HHLA1: variants seen among roughly 807,000 people sequenced by gnomAD.
The protein encoded by HHLA1 is HERV-H LTR-associating protein 1.
Under a neutral mutation model 69.9 loss-of-function variants are expected in HHLA1, and 72 were observed. The ratio of observed to expected loss-of-function variants is 1.03; its 90% CI spans 0.85 to 1.25. The LOEUF (loss-of-function observed/expected upper bound fraction) is 1.25. Ranked by LOEUF, HHLA1 falls within the 50% of genes most tolerant of loss-of-function variation. The pLI, the probability that HHLA1 is intolerant of heterozygous loss-of-function variation, is 0.00. For synonymous variants in HHLA1, 252 were observed against 233.2 expected (o/e 1.08, Z -0.73); for missense variants, 685 against 642.2 (o/e 1.07, Z -0.72).
chr8:132,082,382 G>T (rs7014342), intron 10 of HHLA1, among the ~76,000 whole-genome samples: 1 of 152,124 alleles, frequency 6.6e-6, no homozygotes, highest in East Asian at 1.9e-4. Flanking sequence ...AAAGGCTACA[G>T]GGTGTGGTCC....
chr8:132,092,851 C>T (rs79690316), intron 7 of HHLA1, among the ~76,000 whole-genome samples: 1,693 of 152,314 alleles, frequency 0.011, 35 homozygotes, highest in African/African-American at 0.039. Flanking sequence ...AATGTGCTGG[C>T]AACCTACCTT....
At chr8:132,077,221 C>T (rs1194103032) in intron 12 of HHLA1, among the ~76,000 whole-genome samples, 10 of 152,120 alleles carry the variant, frequency 6.6e-5, no homozygotes, top group Admixed American at 6.5e-4. Context: ...GGTCAGGTGA[C>T]ATCTACTCTA....
chr8:132,077,799 A>G lies in HHLA1; in HGVS notation c.1098T>C (p.Thr366=), dbSNP rs1415520612. ...CAGCAGCAGGCGCCAAAAGGCTTGT[A>G]GTGTTCATGGCTTCCTCGGTCCCTG... ...TTAGTEEAMN[T]TSLLAPAAEI... Residue 366 remains threonine (T), a synonymous_variant, in exon 12 of 17, where the codon ACT becomes ACC. Transcript: ENST00000414222. The G allele has an allele frequency of 6.4e-7, 1 of 1,551,600 alleles. No individual in the cohort carries two copies. Among genetic ancestry groups the G allele is most frequent in the East Asian group, 2.4e-5 (1 of 40,898 alleles).
chr8:132,063,332 C>T lies in HHLA1; in HGVS notation c.*663G>A, dbSNP rs1823383284. ...TTGAACCTGAGGGTGCTCATGGGGACCTCTGAATCCAGTGGGTCACACAGA... is the reference window on the plus strand; with the variant it reads ...TTGAACCTGAGGGTGCTCATGGGGATCTCTGAATCCAGTGGGTCACACAGA... On this transcript the variant is annotated 3_prime_UTR_variant, in exon 17 of 17. Transcript: ENST00000414222. The T allele has an allele frequency of 6.6e-6, 1 of 152,166 alleles. No homozygotes were observed. The highest frequency in any genetic ancestry group is 1.9e-4 in the East Asian group (1 of 5,182). The allele number at this position is 152,166 out of a possible 1,614,324, so 9.4% of individuals were successfully genotyped here.
intron 2 of HHLA1, among the ~76,000 whole-genome samples, chr8:132,104,774 A>G (rs1333293004): frequency 6.6e-6 from 1 of 152,118 alleles, no homozygotes; most frequent in East Asian, 1.9e-4. Flanking sequence ...ACACAGAGAG[A>G]AGTAGGAACT....
intron 11 of HHLA1, among the ~76,000 whole-genome samples, chr8:132,079,109 G>A (rs539564477): frequency 6.6e-6 from 1 of 152,314 alleles, no homozygotes; most frequent in African/African-American, 2.4e-5. Flanking sequence ...GGAAAAATAA[G>A]ATAAGCATGC....
At chr8:132,100,565 G>T (rs2130898451) in intron 3 of HHLA1, among the ~76,000 whole-genome samples, 1 of 152,324 alleles carries the variant, frequency 6.6e-6, no homozygotes, top group South Asian at 2.1e-4. Flanking sequence ...GACCAAAGGA[G>T]AAAATGTCAA....
intron 14 of HHLA1, among the ~76,000 whole-genome samples, chr8:132,072,495 C>T (rs376756130): frequency 1.3e-5 from 2 of 152,082 alleles, no homozygotes; most frequent in East Asian, 3.8e-4. Flanking sequence ...GTGACAGCCA[C>T]TAGAGCTACA....
At chr8:132,091,862 CT>C (rs1196063875) in intron 7 of HHLA1, among the ~76,000 whole-genome samples, 1 of 152,180 alleles carries the variant, frequency 6.6e-6, no homozygotes, top group Non-Finnish European at 1.5e-5. Flanking sequence ...TATTGTTTCC[CT>C]GTCAGCCAAC....
At chr8:132,082,652 C>T (rs1404950393) in intron 10 of HHLA1, among the ~76,000 whole-genome samples, 1 of 152,054 alleles carries the variant, frequency 6.6e-6, no homozygotes, top group Non-Finnish European at 1.5e-5. Flanking sequence ...GTGTCAGAGT[C>T]AGTCTAAGTG....
chr8:132,066,371 T>TG (rs146994191), intron 15 of HHLA1, among the ~76,000 whole-genome samples: 1,974 of 152,276 alleles, frequency 0.013, 48 homozygotes, highest in African/African-American at 0.046. Context: ...GCTCAATACA[T>TG]GGTGACATTT....
chr8:132,105,805 T>A (rs1291031071), intron 1 of HHLA1, among the ~76,000 whole-genome samples: 1 of 152,188 alleles, frequency 6.6e-6, no homozygotes, highest in Admixed American at 6.5e-5. Context: ...CTTCCATGGA[T>A]TTTCTGGCTG....
chr8:132,080,226 T>C, intron 10 of HHLA1: 1 of 554,262 alleles, frequency 1.8e-6, no homozygotes, highest in South Asian at 1.6e-5. Context: ...GCCTTATGGA[T>C]ACAACTAAAT....
intron 10 of HHLA1, among the ~76,000 whole-genome samples, chr8:132,083,818 T>G: frequency 6.6e-6 from 1 of 152,162 alleles, no homozygotes; most frequent in East Asian, 1.9e-4. Flanking sequence ...AGGCAAGGAA[T>G]TGCAACTTTT....
At chr8:132,078,171 A>AACACACACACACAC (rs34612835) in intron 11 of HHLA1, among the ~76,000 whole-genome samples, 200 bp from the exon 12 acceptor site, 2 of 144,394 alleles carry the variant, frequency 1.4e-5, no homozygotes, top group Non-Finnish European at 3.1e-5. Flanking sequence ...AGCACCAATA[A>AACACACACACACAC]ACACACACAC....
In HHLA1 at chr8:132,077,795, T is replaced by G. The variant is rs375756746; in HGVS notation, c.1102A>C (p.Ser368Arg). ...ATCTCAGCAGCAGGCGCCAAAAGGC[T>G]TGTAGTGTTCATGGCTTCCTCGGTC... ...AGTEEAMNTT[S>R]LLAPAAEIMA... The change falls in exon 12 of 17, where the codon AGC becomes CGC. Residue 368 changes from serine (S) to arginine (R), a missense_variant. Physicochemically the swap from Ser to Arg is moderately radical, Grantham distance 110. Transcript: ENST00000414222. 32 of 1,551,558 alleles carry G rather than the reference T, an allele frequency of 2.1e-5. No individual in the cohort carries two copies.
rs368985347 is a variant in HHLA1 at position 132,081,917 on chromosome 8, G to A, written c.677-1951C>T. Among the ~76,000 whole-genome samples, 180 of 152,280 alleles carry A rather than the reference G, an allele frequency of 1.2e-3. 2 individuals are homozygous for A. In the East Asian group the frequency reaches 0.033, roughly 28 times the overall value. ...AGAGGTTCTAAGAGGTGGGCTAGTG[G>A]CTTGTACTATAGTATAACCTGCCTT... On this transcript the variant is annotated intron_variant, in intron 10 of 16. Transcript: ENST00000414222.
intron 2 of HHLA1, 86 bp downstream of exon 2, chr8:132,105,101 G>T: frequency 1.0e-6 from 1 of 973,198 alleles, no homozygotes; most frequent in Non-Finnish European, 1.6e-6. Flanking sequence ...GGGCAGAAAT[G>T]TTGGCTGCTG....
In HHLA1 at chr8:132,076,048, T is replaced by A; in HGVS notation, c.1315+7A>T. The stretch of plus-strand genomic sequence containing the variant: ...AGCAATAGTAATGACTGGGCACTGG[T>A]ACTTACTTGAAACTTGATGGGGTCT... On this transcript the variant is annotated splice_region_variant and intron_variant, in intron 14 of 16. Coordinates refer to ENST00000414222, the MANE Select transcript of HHLA1 (RefSeq NM_001145095.3). 6.5e-7 allele frequency: 1 copy of A among 1,545,830 alleles called. No homozygotes were observed. Among genetic ancestry groups the A allele is most frequent in the Non-Finnish European group, 8.8e-7 (1 of 1,141,802 alleles).
Sources: allele counts gnomAD v4.1 joint callset (sites outside exome capture counted in the v4.1 genomes callset), GRCh38; gene constraint gnomAD v4.1.1; transcripts MANE v1.5; gene names NCBI Gene and HGNC (gene_info 2026-07-23, HGNC 2026-07-21).